The following GINM1 variants were observed in gnomAD, a reference collection of about 807,000 sequenced individuals.
GINM1 encodes the protein glycosylated integral membrane protein 1.
Under a neutral mutation model 37.8 loss-of-function variants are expected in GINM1, and 29 were observed. The observed-to-expected ratio is 0.77, with a 90% confidence interval of 0.57 to 1.05. The LOEUF (loss-of-function observed/expected upper bound fraction) is 1.05, where lower values mean the gene tolerates loss of function less well. Among genes scored for constraint, GINM1 ranks in the 50% least tolerant of loss-of-function variants. The pLI is 0.00. For synonymous variants in GINM1, 143 were observed against 146.2 expected, an observed-to-expected ratio of 0.98 and a Z score of 0.16; for missense variants, 377 against 397.9, an observed-to-expected ratio of 0.95 and a Z score of 0.45.
At chr6:149,580,501 C>A in intron 5 of GINM1, 92 bp from the exon 6 acceptor site, 1 of 1,134,938 alleles carries the variant, frequency 8.8e-7, no homozygotes, top group Non-Finnish European at 1.3e-6. Flanking sequence ...AATATGTGTT[C>A]TTACTATCCT....
chr6:149,572,441 T>C, intron 2 of GINM1, 66 bp from the exon 3 acceptor site: 1 of 1,282,354 alleles, frequency 7.8e-7, no homozygotes, highest in Non-Finnish European at 1.1e-6. Flanking sequence ...TTAATCTTTT[T>C]TGACTTGAAG....
chr6:149,572,413 C>T, intron 2 of GINM1, 69 bp downstream of exon 2: 1 of 1,288,936 alleles, frequency 7.8e-7, no homozygotes, highest in Non-Finnish European at 1.1e-6. Flanking sequence ...GATTTTTTAA[C>T]TTGCACGTCT....
intron 7 of GINM1, among the ~76,000 whole-genome samples, chr6:149,583,985 T>G (rs1778036038): frequency 6.6e-6 from 1 of 152,114 alleles, no homozygotes; most frequent in African/African-American, 2.4e-5. Context: ...TTTATTTTAT[T>G]TATTTATTGA....
At chr6:149,578,525 C>CA (rs145601764) in intron 3 of GINM1, among the ~76,000 whole-genome samples, 1,314 of 70,850 alleles carry the variant, frequency 0.019, 20 homozygotes, top group Middle Eastern at 0.031. Context: ...GACTCCATCT[C>CA]AAAAAAAAAA....
intron 1 of GINM1, among the ~76,000 whole-genome samples, chr6:149,570,341 AAGG>A (rs1554219125): frequency 1.3e-5 from 2 of 151,776 alleles, no homozygotes; most frequent in Non-Finnish European, 1.5e-5. Context: ...CTAGTTTGCA[AAGG>A]AGATCCATAT....
At chr6:149,585,867 CA>C (rs562012910) in intron 7 of GINM1, among the ~76,000 whole-genome samples, 182 of 152,306 alleles carry the variant, frequency 1.2e-3, no homozygotes, top group Non-Finnish European at 1.9e-3. Flanking sequence ...GCTGGGATTA[CA>C]GGGGTGAGCC....
chr6:149,568,693 A>G (rs760949470), intron 1 of GINM1, among the ~76,000 whole-genome samples: 3 of 152,262 alleles, frequency 2.0e-5, no homozygotes, highest in Non-Finnish European at 4.4e-5. Context: ...GATATAAATT[A>G]AACTGGTTGA....
At chr6:149,578,422 A>T (rs967973126) in intron 3 of GINM1, among the ~76,000 whole-genome samples, 2 of 148,972 alleles carry the variant, frequency 1.3e-5, no homozygotes, top group African/African-American at 4.9e-5. Flanking sequence ...GCTACTTGGG[A>T]GGCTGAGGCA....
At chr6:149,587,362 T>G (rs1778084827) in intron 7 of GINM1, among the ~76,000 whole-genome samples, 1 of 152,150 alleles carries the variant, frequency 6.6e-6, no homozygotes, top group African/African-American at 2.4e-5. Flanking sequence ...TCCCACAGGC[T>G]AAGGGCTTAG....
At chr6:149,578,233 G>C (rs1777942906) in intron 3 of GINM1, 1 of 152,160 alleles carries the variant, frequency 6.6e-6, no homozygotes, top group African/African-American at 2.4e-5. Flanking sequence ...AAAAGAATAG[G>C]AAAGATGGGC....
In GINM1 at chr6:149,578,972, A is replaced by G; in HGVS notation, c.428A>G (p.Gln143Arg). Residue 143 changes from glutamine to arginine, a missense_variant and splice_region_variant, in exon 4 of 8, where the codon CAA becomes CGA. Gln to Arg is a conservative substitution (Grantham distance 43, BLOSUM62 1). Coordinates refer to ENST00000367419, the MANE Select transcript of GINM1 (RefSeq NM_138785.5). ...GAGGTAGTAGAGATTGATGGAAAAC[A>G]AGTAAGATAGTATGTTTATTAATTG... is the stretch of plus-strand genomic sequence containing the variant. ...QEEVVEIDGK[Q>R]VQQKDVTEID... is the part of the protein sequence containing the mutation. 1.3e-6 allele frequency: 2 copies of G among 1,555,580 alleles called. No homozygotes were observed. The highest frequency in any genetic ancestry group is 2.3e-5 in the South Asian group (2 of 85,468).
At position 149,579,885 on chromosome 6, in the gene GINM1, GTACTCAGACA is replaced by G; in HGVS notation, c.483_492del (p.Leu162GlnfsTer52). ...TGATATTTTAGTTAAGAACCGGGGA[GTACTCAGACA>G]TTCAAACTATACCCTCCCTTTGGAA... On this transcript the variant is annotated frameshift_variant, in exon 5 of 8. Transcript: ENST00000367419. LOFTEE classifies it high-confidence loss of function. 6.2e-7 allele frequency: 1 copy of G among 1,606,854 alleles called. No homozygotes were observed. The highest frequency in any genetic ancestry group is 1.1e-5 in the South Asian group (1 of 90,398).
intron 7 of GINM1, among the ~76,000 whole-genome samples, chr6:149,588,144 CTAAAAG>C (rs1447450796): frequency 6.6e-6 from 1 of 152,134 alleles, no homozygotes. Flanking sequence ...GAATAGATTC[CTAAAAG>C]TAAAATTACT....
At chr6:149,579,790 G>C in intron 4 of GINM1, 44 bp from the exon 5 acceptor site, 1 of 1,276,680 alleles carries the variant, frequency 7.8e-7, no homozygotes, top group Non-Finnish European at 1.1e-6. Context: ...TTATGGGGCT[G>C]TGCTACTATT....
At chr6:149,586,890 T>C (rs141241626) in intron 7 of GINM1, among the ~76,000 whole-genome samples, 5 of 152,226 alleles carry the variant, frequency 3.3e-5, no homozygotes, top group African/African-American at 1.2e-4. Context: ...ACTCAAGTGA[T>C]CCTCTCACCT....
intron 1 of GINM1, among the ~76,000 whole-genome samples, chr6:149,567,722 G>A (rs1269784982): frequency 1.3e-5 from 2 of 152,198 alleles, no homozygotes; most frequent in African/African-American, 2.4e-5. Context: ...TGATGAGCAT[G>A]TCTCAGTTCT....
At chr6:149,583,737 G>A (rs1451516023) in intron 7 of GINM1, among the ~76,000 whole-genome samples, 2 of 152,004 alleles carry the variant, frequency 1.3e-5, no homozygotes, top group East Asian at 1.9e-4. Context: ...ATTATGTGGG[G>A]GGAAATATGG....
rs758372774 is a variant in GINM1 at position 149,590,787 on chromosome 6, A to G, written c.942A>G (p.Pro314=). Residue 314 remains proline, a synonymous_variant, in exon 8 of 8, where the codon CCA becomes CCG. Coordinates refer to ENST00000367419, the MANE Select transcript of GINM1 (RefSeq NM_138785.5). ...VIPVTAINLY[P]DGPEKRAENL... is the part of the protein sequence containing the mutation. ...CTGTGACAGCTATCAACTTATATCCAGATGGTCCAGAGAAAAGAGCTGAAA... is the reference window on the plus strand; with the variant it reads ...CTGTGACAGCTATCAACTTATATCCGGATGGTCCAGAGAAAAGAGCTGAAA... 3.7e-6 allele frequency: 6 copies of G among 1,605,930 alleles called. No homozygotes were observed. Among genetic ancestry groups the G allele is most frequent in the Non-Finnish European group, 4.3e-6 (5 of 1,172,862 alleles).
Position 149,566,578 on chromosome 6 carries a change from C to T in GINM1, c.120+44C>T, listed in dbSNP as rs1777721431. 2.1e-6 allele frequency: 3 copies of T among 1,451,374 alleles called. No individual in the cohort carries two copies. Among genetic ancestry groups the T allele is most frequent in the Non-Finnish European group, 2.7e-6 (3 of 1,103,028 alleles). 89.9% of individuals were successfully genotyped at this position (1,451,374 alleles called of 1,614,324 possible). On this transcript the variant is annotated intron_variant, in intron 1 of 7. Transcript: ENST00000367419. This position sits in a 1 kb window ranked among gnomAD's most constrained non-coding sequence, Gnocchi z 4.4. ...GGCTGGCCGCTTTACGACTCCGACT[C>T]TCCGGGAGGCCCGGGCTGTCCACAG...
Sources: allele counts gnomAD v4.1 joint callset (sites outside exome capture counted in the v4.1 genomes callset), GRCh38; gene constraint gnomAD v4.1.1; non-coding constraint Gnocchi (gnomAD v3.1); transcripts MANE v1.5; gene names NCBI Gene and HGNC (gene_info 2026-07-23, HGNC 2026-07-21).